The following SLC4A4 variants were observed in gnomAD, a reference collection of about 807,000 sequenced individuals.
SLC4A4 encodes solute carrier family 4 member 4, also known as electrogenic sodium bicarbonate cotransporter 1.
A neutral mutation model predicts 111.5 loss-of-function variants in SLC4A4; 27 were observed. The observed-to-expected ratio is 0.24, with a 90% confidence interval of 0.18 to 0.33. The LOEUF (loss-of-function observed/expected upper bound fraction) is 0.33, where lower values mean the gene tolerates loss of function less well. Ranked by LOEUF, SLC4A4 falls within the 10% of genes least tolerant of loss-of-function variation. The pLI is 1.00. For missense variants in SLC4A4, 909 were observed against 1,315.5 expected (o/e 0.69, Z 4.78); for synonymous variants, 443 against 463.4 (o/e 0.96, Z 0.57).
At chr4:71,273,216 TG>T (rs1472390495) in intron 3 of SLC4A4, among the ~76,000 whole-genome samples, 1 of 152,220 alleles carries the variant, frequency 6.6e-6, no homozygotes, top group Non-Finnish European at 1.5e-5. Flanking sequence ...GGTAAATGGC[TG>T]GCTCACTGCA....
intron 1 of SLC4A4, among the ~76,000 whole-genome samples, chr4:71,220,707 T>A (rs1718691577): frequency 1.3e-5 from 2 of 152,194 alleles, no homozygotes; most frequent in South Asian, 2.1e-4. Flanking sequence ...TATTTTATTT[T>A]ATTTATTTTT....
At chr4:71,146,005 G>A (rs1006999420) in intron 2 of SLC4A4, among the ~76,000 whole-genome samples, 10 of 152,152 alleles carry the variant, frequency 6.6e-5, no homozygotes, top group African/African-American at 1.7e-4. Context: ...GAATGTGTTT[G>A]CTCTTGCTTC....
At chr4:71,162,554 G>A (rs1744641623) in intron 2 of SLC4A4, among the ~76,000 whole-genome samples, 1 of 152,074 alleles carries the variant, frequency 6.6e-6, no homozygotes, top group African/African-American at 2.4e-5. Context: ...ATTGCTCCTT[G>A]TCCTTATCTT....
chr4:71,110,687 G>A (rs1743061121), intron 2 of SLC4A4, among the ~76,000 whole-genome samples: 1 of 152,120 alleles, frequency 6.6e-6, no homozygotes, highest in South Asian at 2.1e-4. Context: ...TGCTTACTAA[G>A]GCTATCCATG....
chr4:71,216,699 T>C (rs1326807824), intron 1 of SLC4A4, among the ~76,000 whole-genome samples: 1 of 152,180 alleles, frequency 6.6e-6, no homozygotes, highest in Non-Finnish European at 1.5e-5. Context: ...GGAGGGAGCA[T>C]GGCATGGAGC....
chr4:71,143,913 G>A (rs1744084922), intron 2 of SLC4A4, among the ~76,000 whole-genome samples: 1 of 152,054 alleles, frequency 6.6e-6, no homozygotes, highest in African/African-American at 2.4e-5. Context: ...TCACTCTGAT[G>A]GTAGTTTCTT....
intron 2 of SLC4A4, among the ~76,000 whole-genome samples, chr4:71,124,256 T>C (rs1332631915): frequency 7.3e-5 from 11 of 151,716 alleles, no homozygotes; most frequent in Non-Finnish European, 1.3e-4. Context: ...CACTGCAACC[T>C]TTGCCTCCTG....
chr4:71,567,018 A>G lies in SLC4A4; in HGVS notation c.3211A>G (p.Thr1071Ala), dbSNP rs542016635. ...TTATTTTCCAGGAGAAAGATCACCA[A>G]CATTCCTTGAACGCCACACATCATG... ...SKPSDRERSP[T>A]FLERHTSC The change falls in exon 25 of 26, where the codon ACA becomes GCA. Residue 1071 changes from threonine (T) to alanine (A), a missense_variant. This residue lies in a region of SLC4A4 where 85 missense variants were observed against 79.8 expected (regional missense o/e 1.07). Coordinates refer to ENST00000264485, the MANE Select transcript of SLC4A4 (RefSeq NM_001098484.3). 2 of 1,610,074 alleles carry G rather than the reference A, an allele frequency of 1.2e-6. No individual in the cohort carries two copies. Among genetic ancestry groups the G allele is most frequent in the Non-Finnish European group, 1.7e-6 (2 of 1,177,386 alleles).
At chr4:71,519,196 A>G (rs1732699149) in intron 16 of SLC4A4, among the ~76,000 whole-genome samples, 1 of 152,224 alleles carries the variant, frequency 6.6e-6, no homozygotes, top group South Asian at 2.1e-4. Context: ...TTAGTCTGCC[A>G]TCTTGCTGAT....
intron 1 of SLC4A4, among the ~76,000 whole-genome samples, chr4:71,078,826 G>T (rs1055349222): frequency 1.0e-4 from 15 of 147,704 alleles, no homozygotes; most frequent in African/African-American, 2.5e-4. Flanking sequence ...TTGTTTGTTT[G>T]TTTTTTTTTT....
intron 7 of SLC4A4, among the ~76,000 whole-genome samples, chr4:71,424,053 C>A (rs1239619811): frequency 2.6e-5 from 4 of 152,068 alleles, no homozygotes; most frequent in Admixed American, 1.3e-4. Context: ...AGTGAACAGG[C>A]AACCCACAAA....
chr4:71,336,203 C>A (rs1728423140), intron 3 of SLC4A4, among the ~76,000 whole-genome samples: 1 of 152,128 alleles, frequency 6.6e-6, no homozygotes, highest in Non-Finnish European at 1.5e-5. Context: ...TAGAAATAAA[C>A]CATATAACAC....
chr4:71,490,909 C>G (rs1053715955), intron 15 of SLC4A4, among the ~76,000 whole-genome samples: 1 of 151,732 alleles, frequency 6.6e-6, no homozygotes, highest in African/African-American at 2.4e-5. Flanking sequence ...ACAATCATGC[C>G]ACTGCACTCC....
At chr4:71,434,358 C>A (rs1723921318) in intron 7 of SLC4A4, 1 of 164,264 alleles carries the variant, frequency 6.1e-6, no homozygotes, top group African/African-American at 2.4e-5. Context: ...TGATTGCTAC[C>A]AAAAAACAAC....
At chr4:71,202,152 C>T (rs1426434863) in intron 1 of SLC4A4, among the ~76,000 whole-genome samples, 2 of 152,210 alleles carry the variant, frequency 1.3e-5, no homozygotes, top group Non-Finnish European at 2.9e-5. Context: ...ATAGCATTGA[C>T]AGTTAAATTG....
chr4:71,484,871 C>T (rs550745256), intron 14 of SLC4A4, among the ~76,000 whole-genome samples: 1 of 151,644 alleles, frequency 6.6e-6, no homozygotes, highest in African/African-American at 2.4e-5. Context: ...GATCTTTCAC[C>T]TTCCTGGTTA....
At chr4:71,508,174 G>C (rs968629447) in intron 16 of SLC4A4, among the ~76,000 whole-genome samples, 6 of 152,146 alleles carry the variant, frequency 3.9e-5, no homozygotes, top group African/African-American at 1.4e-4. Flanking sequence ...ACAGCTAAAA[G>C]AACTGGAGAA....
intron 3 of SLC4A4, among the ~76,000 whole-genome samples, chr4:71,258,952 C>T (rs1337138792): frequency 6.6e-6 from 1 of 152,050 alleles, no homozygotes; most frequent in Non-Finnish European, 1.5e-5. Context: ...AGCAGGCAGC[C>T]CCCCTTCAGA....
At chr4:71,332,674 C>T (rs934965439) in intron 3 of SLC4A4, among the ~76,000 whole-genome samples, 6 of 152,040 alleles carry the variant, frequency 3.9e-5, no homozygotes, top group African/African-American at 9.7e-5. Flanking sequence ...CCTCGTGATC[C>T]GCCCGCCTCG....
Sources: allele counts gnomAD v4.1 joint callset (sites outside exome capture counted in the v4.1 genomes callset), GRCh38; gene constraint gnomAD v4.1.1; regional missense constraint gnomAD v4.1.1; transcripts MANE v1.5; gene names NCBI Gene and HGNC (gene_info 2026-07-23, HGNC 2026-07-21).